Variants in ACAA2 observed in about 807,000 individuals in gnomAD.
ACAA2 encodes acetyl-CoA acyltransferase 2.
ACAA2 carries 35 observed loss-of-function variants against 44.8 expected under a neutral mutation model. The observed-to-expected ratio is 0.78, with a 90% CI of 0.60 to 1.04. ACAA2 has a LOEUF of 1.04. Ranked by LOEUF, ACAA2 falls within the 50% of genes least tolerant of loss-of-function variation. The pLI is 0.00. For synonymous variants in ACAA2, 142 were observed against 166.5 expected, an observed-to-expected ratio of 0.85 and a Z score of 1.13; for missense variants, 468 against 482.6, an observed-to-expected ratio of 0.97 and a Z score of 0.28.
chr18:49,806,241 T>G (rs2023609397), intron 1 of ACAA2, among the ~76,000 whole-genome samples: 1 of 152,118 alleles, frequency 6.6e-6, no homozygotes, highest in Admixed American at 6.5e-5. Context: ...AGAATAAAAT[T>G]CATGGTAAGC....
intron 7 of ACAA2, among the ~76,000 whole-genome samples, chr18:49,789,910 C>CCACT (rs1461377624): frequency 6.6e-6 from 1 of 152,012 alleles, no homozygotes; most frequent in Non-Finnish European, 1.5e-5. Context: ...TGAGATCACG[C>CCACT]CACTGCACTC....
chr18:49,784,010 G>C, intron 9 of ACAA2, 79 bp from the exon 10 acceptor site: 1 of 1,145,796 alleles, frequency 8.7e-7, no homozygotes, highest in Non-Finnish European at 1.3e-6. Context: ...CATCACATCT[G>C]CATTACTCAT....
chr18:49,794,886 G>A (rs549633836), intron 4 of ACAA2, among the ~76,000 whole-genome samples: 2 of 152,258 alleles, frequency 1.3e-5, no homozygotes, highest in South Asian at 4.2e-4. Flanking sequence ...GGAATAGCTG[G>A]TTCTATCGGT....
chr18:49,813,372 C>G, intron 1 of ACAA2, 97 bp downstream of exon 1: 4 of 1,016,638 alleles, frequency 3.9e-6, no homozygotes, highest in Non-Finnish European at 5.1e-6. Context: ...AACTTCACCC[C>G]ACGACCCCGA....
At chr18:49,801,631 C>T (rs1257734070) in intron 2 of ACAA2, among the ~76,000 whole-genome samples, 2 of 151,786 alleles carry the variant, frequency 1.3e-5, no homozygotes, top group East Asian at 3.9e-4. Context: ...AGATGAACAG[C>T]ATCAAGTTCA....
intron 8 of ACAA2, chr18:49,785,899 C>T (rs1333068828): frequency 6.6e-6 from 1 of 152,412 alleles, no homozygotes; most frequent in East Asian, 1.9e-4. Context: ...TTCCAAGAAG[C>T]TGACACACAA....
At chr18:49,792,933 C>T (rs2023422757) in intron 5 of ACAA2, among the ~76,000 whole-genome samples, 1 of 152,280 alleles carries the variant, frequency 6.6e-6, no homozygotes, top group South Asian at 2.1e-4. Context: ...ATGCATTTTG[C>T]ATCTTTTAAA....
intron 7 of ACAA2, among the ~76,000 whole-genome samples, chr18:49,789,687 C>A (rs746921014): frequency 9.9e-5 from 15 of 152,112 alleles, no homozygotes; most frequent in Non-Finnish European, 2.2e-4. Context: ...AGGAAAAAAA[C>A]CAACTCTGCT....
chr18:49,809,209 C>T (rs1023515921), intron 1 of ACAA2, among the ~76,000 whole-genome samples: 1 of 152,176 alleles, frequency 6.6e-6, no homozygotes, highest in Non-Finnish European at 1.5e-5. Flanking sequence ...CCCTAAAAAT[C>T]GCTGTTATTC....
At chr18:49,787,918 G>T (rs915739274) in intron 7 of ACAA2, among the ~76,000 whole-genome samples, 2 of 152,120 alleles carry the variant, frequency 1.3e-5, no homozygotes, top group African/African-American at 4.8e-5. Flanking sequence ...GAATTTTCAG[G>T]CCCATTTGGA....
intron 1 of ACAA2, among the ~76,000 whole-genome samples, chr18:49,809,025 C>T (rs950572402): frequency 2.0e-5 from 3 of 152,114 alleles, no homozygotes; most frequent in African/African-American, 4.8e-5. Context: ...TATAGACCTC[C>T]CCCCAGGAAT....
At chr18:49,786,606 C>T (rs1297679545) in intron 8 of ACAA2, 1 of 152,178 alleles carries the variant, frequency 6.6e-6, no homozygotes, top group African/African-American at 2.4e-5. Flanking sequence ...TTCCTTTGTT[C>T]TATTAGTTAT....
chr18:49,804,690 A>T (rs1038404311), intron 1 of ACAA2, among the ~76,000 whole-genome samples: 4 of 152,238 alleles, frequency 2.6e-5, no homozygotes, highest in African/African-American at 7.2e-5. Context: ...GGAATTATCT[A>T]TACATCTACT....
rs767983865 is a variant in ACAA2, at chr18:49,792,224, G to A, written c.681C>T (p.Thr227=). 2.5e-5 allele frequency: 41 copies of A among 1,613,926 alleles called. No individual in the cohort carries two copies. The highest frequency in any genetic ancestry group is 3.4e-5 in the Non-Finnish European group (40 of 1,179,980). ...MQVDEHARPQ[T]TLEQLQKLPP... is the part of the protein sequence containing the mutation. ...GAAGTTTCTGTAACTGTTCCAGGGT[G>A]GTTTGGGGCCGAGCATGCTCGTCTA... Residue 227 remains threonine (T), a synonymous_variant, in exon 6 of 10, where the codon ACC becomes ACT. Coordinates refer to ENST00000285093, the MANE Select transcript of ACAA2 (RefSeq NM_006111.3).
chr18:49,790,267 G>A (rs1598792356), intron 7 of ACAA2, among the ~76,000 whole-genome samples: 1 of 152,176 alleles, frequency 6.6e-6, no homozygotes, highest in East Asian at 1.9e-4. Flanking sequence ...CATAGTGAAA[G>A]ATGACAAAAT....
At chr18:49,785,419 C>A in intron 8 of ACAA2, 68 bp from the exon 9 acceptor site, 1 of 1,497,566 alleles carries the variant, frequency 6.7e-7, no homozygotes, top group South Asian at 1.2e-5. Context: ...TGAGAATGGT[C>A]CAGTCCTATC....
At chr18:49,801,784 T>TTATATATATATATATA in intron 2 of ACAA2, among the ~76,000 whole-genome samples, 1 of 44,720 alleles carries the variant, frequency 2.2e-5, no homozygotes, top group Non-Finnish European at 3.9e-5. Flanking sequence ...CAGAAACTGA[T>TTATATATATATATATA]CATATATATA....
chr18:49,806,647 AAC>A (rs2023613267), intron 1 of ACAA2, among the ~76,000 whole-genome samples: 1 of 152,242 alleles, frequency 6.6e-6, no homozygotes, highest in Admixed American at 6.5e-5. Context: ...TATGACAATC[AAC>A]AGAGACCAAT....
At chr18:49,806,058 G>A (rs1028440503) in intron 1 of ACAA2, among the ~76,000 whole-genome samples, 2 of 152,128 alleles carry the variant, frequency 1.3e-5, no homozygotes, top group African/African-American at 4.8e-5. Flanking sequence ...CTACCTGACG[G>A]TCTTGGAAAT....
Sources: allele counts gnomAD v4.1 joint callset (sites outside exome capture counted in the v4.1 genomes callset), GRCh38; gene constraint gnomAD v4.1.1; transcripts MANE v1.5; gene names NCBI Gene and HGNC (gene_info 2026-07-23, HGNC 2026-07-21).